Variants in CAMK2D observed in about 807,000 individuals in gnomAD.
CAMK2D encodes the protein calcium/calmodulin dependent protein kinase II delta, also known as calcium/calmodulin-dependent protein kinase type II subunit delta.
In CAMK2D, 37 loss-of-function variants were observed where a neutral mutation model predicts 84.0. The ratio of observed to expected loss-of-function variants is 0.44; its 90% confidence interval spans 0.34 to 0.58. CAMK2D has a LOEUF of 0.58. CAMK2D is among the 20% of genes least tolerant of loss of function. The probability of loss-of-function intolerance (pLI) is 0.02; values close to 1 mark genes in which losing one functional copy is unlikely to be tolerated. For synonymous variants in CAMK2D, 202 were observed against 212.5 expected (o/e 0.95, Z 0.43); for missense variants, 448 against 652.5 (o/e 0.69, Z 3.41).
chr4:113,510,632 G>T (rs1036511002), intron 12 of CAMK2D, among the ~76,000 whole-genome samples: 6 of 151,986 alleles, frequency 3.9e-5, no homozygotes, highest in East Asian at 3.9e-4. Flanking sequence ...TCACAAATAT[G>T]CAGGACATGA....
rs907878763 is a variant in CAMK2D, at chr4:113,452,365, T to C, written c.*2180A>G. ...CTGCCCTTGACACTGGCCAGCACTATGCAGGCATACATACAGTACCTCTTC... is the reference window on the plus strand; with the variant it reads ...CTGCCCTTGACACTGGCCAGCACTACGCAGGCATACATACAGTACCTCTTC... On this transcript the variant is annotated 3_prime_UTR_variant, in exon 21 of 21. Coordinates refer to ENST00000511664, the MANE Select transcript of CAMK2D (RefSeq NM_001321571.2). The C allele has an allele frequency of 6.6e-6, 1 of 152,304 alleles. No individual in the cohort carries two copies. The highest frequency in any genetic ancestry group is 2.4e-5 in the African/African-American group (1 of 41,454). 9.4% of individuals were successfully genotyped at this position (152,304 alleles called of 1,614,324 possible). A position where few individuals can be genotyped will look rare whatever the true frequency, so the allele number is the denominator to read the frequency against.
chr4:113,651,286 A>G (rs939271676), intron 3 of CAMK2D, among the ~76,000 whole-genome samples: 2 of 152,198 alleles, frequency 1.3e-5, no homozygotes, highest in African/African-American at 4.8e-5. Context: ...TTAGAGCTAG[A>G]TATGATTTTG....
intron 4 of CAMK2D, among the ~76,000 whole-genome samples, chr4:113,607,208 AAC>A (rs2098981530): frequency 6.6e-6 from 1 of 152,192 alleles, no homozygotes; most frequent in Non-Finnish European, 1.5e-5. Context: ...AAAAAGTAAA[AAC>A]AAGAGCTGAG....
intron 2 of CAMK2D, among the ~76,000 whole-genome samples, chr4:113,716,565 C>T (rs1224218768): frequency 6.7e-6 from 1 of 148,236 alleles, no homozygotes; most frequent in Non-Finnish European, 1.5e-5. Context: ...GCAGGAGAAT[C>T]GCTTGAACCT....
chr4:113,680,935 TG>T, intron 2 of CAMK2D, among the ~76,000 whole-genome samples: 1 of 152,322 alleles, frequency 6.6e-6, no homozygotes, highest in Non-Finnish European at 1.5e-5. Context: ...GTGAGAAAGG[TG>T]GGTCTCAAAG....
At chr4:113,609,032 C>A in intron 4 of CAMK2D, 120 bp downstream of exon 4, 1 of 585,446 alleles carries the variant, frequency 1.7e-6, no homozygotes. Context: ...TTGAATGTTA[C>A]TTGAACATTA....
In CAMK2D at chr4:113,515,091, G is replaced by C. The variant is rs199910718; in HGVS notation, c.797C>G (p.Ala266Gly). The change falls in exon 10 of 21, where the codon GCA becomes GGA. Residue 266 changes from alanine to glycine, a missense_variant. This residue lies in a region of CAMK2D where 69 missense variants were observed against 175.6 expected (regional missense o/e 0.39). Coordinates refer to ENST00000511664, the MANE Select transcript of CAMK2D (RefSeq NM_001321571.2). ...NPAKRITASE[A>G]LKHPWICQRS... Reference sequence around the variant, plus strand: ...TACACAGATCCATGGGTGCTTCAGTGCCTCTGAGGCTGTGATGCGTTTGGC... The same window carrying C: ...TACACAGATCCATGGGTGCTTCAGTCCCTCTGAGGCTGTGATGCGTTTGGC... 2.5e-6 allele frequency: 4 copies of C among 1,613,470 alleles called. No homozygotes were observed. The Admixed American group carries it at 5.0e-5, about 20-fold the overall frequency.
intron 16 of CAMK2D, among the ~76,000 whole-genome samples, chr4:113,471,092 C>T (rs968308779): frequency 1.3e-5 from 2 of 152,140 alleles, no homozygotes; most frequent in African/African-American, 2.4e-5. Context: ...TTGTCTAAAA[C>T]TGATCATCGA....
Position 113,552,150 on chromosome 4 carries a change from A to C in CAMK2D, c.276-54T>G, listed in dbSNP as rs1553950542. The C allele has an allele frequency of 8.0e-6, 8 of 994,078 alleles. No homozygotes were observed. The South Asian group carries it at 9.8e-5, about 12-fold the overall frequency. 61.6% of individuals were successfully genotyped at this position (994,078 alleles called of 1,614,324 possible). ...TAAAAAGAAGCAAAAAAAAATAAGC[A>C]TCAATAGATTTGCAAATGTGTTCAT... On this transcript the variant is annotated intron_variant, in intron 4 of 20. Coordinates refer to ENST00000511664, the MANE Select transcript of CAMK2D (RefSeq NM_001321571.2).
At chr4:113,600,112 A>G (rs752684679) in intron 4 of CAMK2D, among the ~76,000 whole-genome samples, 2 of 152,212 alleles carry the variant, frequency 1.3e-5, no homozygotes, top group Non-Finnish European at 2.9e-5. Context: ...GTAAAAGATT[A>G]GTGGTTGCCA....
At chr4:113,658,157 ACTC>A (rs2099210602) in intron 3 of CAMK2D, among the ~76,000 whole-genome samples, 1 of 151,492 alleles carries the variant, frequency 6.6e-6, no homozygotes, top group African/African-American at 2.4e-5. Context: ...TCTTTAAAAC[ACTC>A]CTCCTTTGTT....
chr4:113,536,909 C>A (rs531682924), intron 7 of CAMK2D, among the ~76,000 whole-genome samples: 2 of 152,068 alleles, frequency 1.3e-5, no homozygotes, highest in African/African-American at 2.4e-5. Context: ...ATCTTTAAAT[C>A]ATAAATCATA....
intron 4 of CAMK2D, among the ~76,000 whole-genome samples, chr4:113,582,103 C>T (rs754172098): frequency 2.0e-5 from 3 of 152,212 alleles, no homozygotes; most frequent in South Asian, 2.1e-4. Context: ...TGACTCTGGC[C>T]GCAAATCTCC....
intron 3 of CAMK2D, among the ~76,000 whole-genome samples, chr4:113,615,549 T>C (rs1183188376): frequency 6.6e-6 from 1 of 152,106 alleles, no homozygotes; most frequent in Non-Finnish European, 1.5e-5. Flanking sequence ...CAAATCTCTC[T>C]ATGTGGTTTT....
chr4:113,746,346 T>C (rs1437957495), intron 2 of CAMK2D, among the ~76,000 whole-genome samples: 1 of 152,308 alleles, frequency 6.6e-6, no homozygotes, highest in East Asian at 1.9e-4. Context: ...AAATATTAAC[T>C]CAATTTCTAT....
At chr4:113,463,665 C>T (rs1426911515) in intron 17 of CAMK2D, among the ~76,000 whole-genome samples, 2 of 152,156 alleles carry the variant, frequency 1.3e-5, no homozygotes, top group Non-Finnish European at 2.9e-5. Flanking sequence ...CGTGAGACAT[C>T]GCACCTGGCA....
At chr4:113,731,553 A>C (rs1444891647) in intron 2 of CAMK2D, among the ~76,000 whole-genome samples, 1 of 151,512 alleles carries the variant, frequency 6.6e-6, no homozygotes, top group Non-Finnish European at 1.5e-5. Flanking sequence ...AACACTTCAA[A>C]GTATAAAAGA....
At position 113,702,903 on chromosome 4, in the gene CAMK2D, AT is replaced by A. The variant is rs534081623; in HGVS notation, c.161-41132del. Among the ~76,000 whole-genome samples, 247 of 143,004 alleles carry A rather than the reference AT, an allele frequency of 1.7e-3. 1 individual carries two copies. Among genetic ancestry groups the A allele is most frequent in the African/African-American group, 7.1e-3 (235 of 33,020 alleles). The allele number at this position is 143,004 out of a possible 152,430, so 93.8% of individuals were successfully genotyped here. On this transcript the variant is annotated intron_variant, in intron 2 of 20. Coordinates refer to ENST00000511664, the MANE Select transcript of CAMK2D (RefSeq NM_001321571.2). Reference sequence around the variant, plus strand: ...GACAGAACGAGACTCTTATCTTAAAATATATATATATACATAAGTGATTTTA... The same window carrying A: ...GACAGAACGAGACTCTTATCTTAAAAATATATATATACATAAGTGATTTTA...
intron 4 of CAMK2D, among the ~76,000 whole-genome samples, chr4:113,588,456 T>G (rs2098843929): frequency 6.6e-6 from 1 of 152,168 alleles, no homozygotes; most frequent in African/African-American, 2.4e-5. Context: ...TTTCATTTCT[T>G]AAAACGTATC....
Sources: allele counts gnomAD v4.1 joint callset (sites outside exome capture counted in the v4.1 genomes callset), GRCh38; gene constraint gnomAD v4.1.1; regional missense constraint gnomAD v4.1.1; transcripts MANE v1.5; gene names NCBI Gene and HGNC (gene_info 2026-07-23, HGNC 2026-07-21).